RREB1: variants seen among roughly 807,000 people sequenced by gnomAD.
RREB1 encodes the protein ras responsive element binding protein 1, also known as ras-responsive element-binding protein 1.
Under a neutral mutation model 117.8 loss-of-function variants are expected in RREB1, and 27 were observed. That is an observed-to-expected ratio of 0.23 (90% CI 0.17 to 0.32). The LOEUF is 0.32. RREB1 is among the 10% of genes least tolerant of loss of function. The pLI is 1.00. For missense variants in RREB1, 2,577 were observed against 2,378.2 expected (o/e 1.08, Z -1.74); for synonymous variants, 1,298 against 1,026.7 (o/e 1.26, Z -5.05).
intron 1 of RREB1, among the ~76,000 whole-genome samples, chr6:7,145,034 C>G (rs1474407252): frequency 6.6e-6 from 1 of 152,206 alleles, no homozygotes; most frequent in African/African-American, 2.4e-5. Flanking sequence ...TCTTCTTCGT[C>G]TCACCGTGTA....
Position 7,230,665 on chromosome 6 carries a change from T to G in RREB1, c.2566T>G (p.Cys856Gly). ...EDSGCAALGD[C>G]KPLTAFLEPQ... Reference sequence around the variant, plus strand: ...CAGTGGCTGCGCTGCCCTTGGTGACTGCAAGCCCCTCACTGCCTTCCTGGA... The same window carrying G: ...CAGTGGCTGCGCTGCCCTTGGTGACGGCAAGCCCCTCACTGCCTTCCTGGA... The change falls in exon 10 of 13, where the codon TGC becomes GGC. Residue 856 changes from cysteine to glycine, a missense_variant. Coordinates refer to ENST00000379938, the MANE Select transcript of RREB1 (RefSeq NM_001003699.4). 6.3e-7 allele frequency: 1 copy of G among 1,596,274 alleles called. No homozygotes were observed. Among genetic ancestry groups the G allele is most frequent in the Non-Finnish European group, 8.5e-7 (1 of 1,170,996 alleles).
chr6:7,160,607 T>G (rs957057926), intron 1 of RREB1, among the ~76,000 whole-genome samples: 15 of 152,098 alleles, frequency 9.9e-5, no homozygotes, highest in Admixed American at 6.5e-4. Flanking sequence ...CCTCCTGAGC[T>G]CAAACAATCC....
chr6:7,113,654 T>A (rs963078707), intron 1 of RREB1, among the ~76,000 whole-genome samples: 3 of 152,208 alleles, frequency 2.0e-5, no homozygotes, highest in African/African-American at 4.8e-5. Context: ...CAGCTGCTTT[T>A]TAGAGTCAGT....
intron 11 of RREB1, among the ~76,000 whole-genome samples, chr6:7,245,208 G>A (rs1010997387): frequency 2.0e-5 from 3 of 151,948 alleles, no homozygotes; most frequent in South Asian, 2.1e-4. Context: ...CCAGCCTGGC[G>A]AACATGATGA....
intron 1 of RREB1, among the ~76,000 whole-genome samples, chr6:7,133,955 AATATG>A (rs891055224): frequency 1.3e-5 from 2 of 152,164 alleles, no homozygotes; most frequent in East Asian, 1.9e-4. Flanking sequence ...TTACAATTTT[AATATG>A]ATATGACAAG....
intron 1 of RREB1, among the ~76,000 whole-genome samples, chr6:7,145,267 T>C (rs1429445275): frequency 6.6e-6 from 1 of 152,230 alleles, no homozygotes; most frequent in Middle Eastern, 3.2e-3. Context: ...TGGTTGGTTT[T>C]GACCTGGACC....
chr6:7,181,112 C>T lies in RREB1; in HGVS notation c.-165-12C>T, dbSNP rs746107845. ...AAAAGATGTTCACTTTGGGCCTTTG[C>T]TTCCCTTCCAGTGTCAACGAGTACT... On this transcript the variant is annotated splice_polypyrimidine_tract_variant and intron_variant, in intron 2 of 12. Transcript: ENST00000379938. The T allele has an allele frequency of 5.0e-6, 2 of 398,402 alleles. No homozygotes were observed. The highest frequency in any genetic ancestry group is 3.6e-5 in the East Asian group (1 of 28,068). The allele number at this position is 398,402 out of a possible 1,614,324, so 24.7% of individuals were successfully genotyped here. A position where few individuals can be genotyped will look rare whatever the true frequency, so the allele number is the denominator to read the frequency against.
rs575155418 is a variant in RREB1 at position 7,246,361 on chromosome 6, T to C, written c.3974-63T>C. ...TGGGTCTAGCCCATTCCCGGCGACA[T>C]CCCTGGCATGGGCGTACCTGGTGGT... On this transcript the variant is annotated intron_variant, in intron 11 of 12. Coordinates refer to ENST00000379938, the MANE Select transcript of RREB1 (RefSeq NM_001003699.4). 3.6e-6 allele frequency: 5 copies of C among 1,381,656 alleles called. No individual in the cohort carries two copies. The African/African-American group carries it at 7.3e-5, about 20-fold the overall frequency. 85.6% of individuals were successfully genotyped at this position (1,381,656 alleles called of 1,614,324 possible). A position where few individuals can be genotyped will look rare whatever the true frequency, so the allele number is the denominator to read the frequency against.
At chr6:7,245,422 A>G (rs1039785052) in intron 11 of RREB1, among the ~76,000 whole-genome samples, 18 of 152,290 alleles carry the variant, frequency 1.2e-4, no homozygotes, top group African/African-American at 4.1e-4. Flanking sequence ...TAAATCAGAC[A>G]TAGGATCTGC....
chr6:7,205,239 G>A (rs1766209309), intron 6 of RREB1, among the ~76,000 whole-genome samples: 1 of 152,194 alleles, frequency 6.6e-6, no homozygotes, highest in Non-Finnish European at 1.5e-5. Flanking sequence ...CAGTCTGCAG[G>A]CCTGGGATGG....
chr6:7,115,000 T>TC (rs1439677931), intron 1 of RREB1, among the ~76,000 whole-genome samples: 1 of 151,914 alleles, frequency 6.6e-6, no homozygotes, highest in Non-Finnish European at 1.5e-5. Context: ...CTTTTTTTTT[T>TC]TTTAAGTGTT....
intron 1 of RREB1, among the ~76,000 whole-genome samples, chr6:7,166,351 T>G (rs1457452402): frequency 6.6e-6 from 1 of 152,274 alleles, no homozygotes; most frequent in East Asian, 1.9e-4. Flanking sequence ...TTTGGTTGGC[T>G]AGCTTGTGAT....
chr6:7,228,557 G>A (rs1302088886), intron 9 of RREB1, among the ~76,000 whole-genome samples: 10 of 137,900 alleles, frequency 7.3e-5, no homozygotes, highest in Non-Finnish European at 1.2e-4. Context: ...AGGCTAAAGT[G>A]CAGTGTGGCA....
intron 1 of RREB1, among the ~76,000 whole-genome samples, chr6:7,155,653 G>A (rs1763330711): frequency 6.6e-6 from 1 of 152,242 alleles, no homozygotes; most frequent in African/African-American, 2.4e-5. Context: ...TCCCTTCCAA[G>A]AAACCTGATA....
chr6:7,222,133 G>A (rs959105395), intron 8 of RREB1, among the ~76,000 whole-genome samples: 2 of 152,106 alleles, frequency 1.3e-5, no homozygotes, highest in African/African-American at 4.8e-5. Context: ...CATTCTAACA[G>A]GCTTGTAGTT....
intron 1 of RREB1, among the ~76,000 whole-genome samples, chr6:7,118,812 T>C (rs894851093): frequency 7.3e-6 from 1 of 137,198 alleles, no homozygotes; most frequent in African/African-American, 2.7e-5. Flanking sequence ...TTTTTTTTTT[T>C]TTTTTTTTTT....
At chr6:7,138,739 G>A (rs1288327604) in intron 1 of RREB1, among the ~76,000 whole-genome samples, 1 of 152,142 alleles carries the variant, frequency 6.6e-6, no homozygotes, top group Non-Finnish European at 1.5e-5. Context: ...CTAGCATATT[G>A]GGACAAAAGT....
rs1763378173 is a variant in RREB1 at position 7,156,658 on chromosome 6, T to G, written c.-284-19997T>G. Among the ~76,000 whole-genome samples, 3 of 152,248 alleles carry G rather than the reference T, an allele frequency of 2.0e-5. No homozygotes were observed. The South Asian group carries it at 6.2e-4, about 31-fold the overall frequency. On this transcript the variant is annotated intron_variant, in intron 1 of 12. Transcript: ENST00000379938. ...TTGGTATTTGTATATAGAATCCACT[T>G]GTTTATTCTTGAGGAGAGCAGCTAT...
chr6:7,247,172 G>C lies in RREB1; in HGVS notation c.4722G>C (p.Lys1574Asn). Residue 1574 changes from lysine (K) to asparagine (N), a missense_variant, in exon 12 of 13, where the codon AAG becomes AAC. Lys to Asn is a moderately conservative substitution (Grantham distance 94, BLOSUM62 0). Transcript: ENST00000379938. ...KRKKVCSVCN[K>N]RFWSLQDLTR... ...AGAAGGTCTGCAGCGTGTGCAACAA[G>C]CGGTTCTGGTCGCTGCAGGACCTGA... is the stretch of plus-strand genomic sequence containing the variant. The C allele has an allele frequency of 6.2e-7, 1 of 1,613,902 alleles. No individual in the cohort carries two copies.
Sources: allele counts gnomAD v4.1 joint callset (sites outside exome capture counted in the v4.1 genomes callset), GRCh38; gene constraint gnomAD v4.1.1; transcripts MANE v1.5; gene names NCBI Gene and HGNC (gene_info 2026-07-23, HGNC 2026-07-21).